Variants in ABHD3 observed in about 807,000 individuals in gnomAD.
ABHD3 encodes the protein phospholipase ABHD3.
ABHD3 carries 46 observed loss-of-function variants against 48.8 expected under a neutral mutation model. That is an observed-to-expected ratio of 0.94 (90% CI 0.74 to 1.20). ABHD3 has a LOEUF of 1.20. ABHD3 is among the 50% of genes most tolerant of loss of function. The pLI is 0.00. For synonymous variants in ABHD3, 192 were observed against 183.7 expected (o/e 1.04, Z -0.36); for missense variants, 490 against 497.8 (o/e 0.98, Z 0.15).
chr18:21,665,413 A>AT (rs1176057154), intron 4 of ABHD3, among the ~76,000 whole-genome samples: 1 of 151,286 alleles, frequency 6.6e-6, no homozygotes, highest in African/African-American at 2.4e-5. Flanking sequence ...CAAATTTTTT[A>AT]TTTTTTTGTA....
At chr18:21,687,174 T>C (rs2040146247) in intron 3 of ABHD3, among the ~76,000 whole-genome samples, 1 of 152,118 alleles carries the variant, frequency 6.6e-6, no homozygotes, top group Non-Finnish European at 1.5e-5. Context: ...CCTCCTGAAG[T>C]TCTGGGATTA....
chr18:21,676,123 A>ATT, intron 4 of ABHD3, among the ~76,000 whole-genome samples: 1 of 152,186 alleles, frequency 6.6e-6, no homozygotes, highest in Non-Finnish European at 1.5e-5. Context: ...TTGATGGGTT[A>ATT]AGGCTTCAAC....
intron 4 of ABHD3, among the ~76,000 whole-genome samples, chr18:21,681,433 C>T (rs2040002253): frequency 6.6e-6 from 1 of 152,058 alleles, no homozygotes; most frequent in Admixed American, 6.6e-5. Flanking sequence ...TTTTTGTTCT[C>T]TCGTCTTTAT....
chr18:21,703,978 G>C (rs767683290), intron 1 of ABHD3, among the ~76,000 whole-genome samples: 87 of 152,300 alleles, frequency 5.7e-4, no homozygotes, highest in South Asian at 2.1e-3. Flanking sequence ...TTTTAACTCC[G>C]CCTCCCGGGT....
chr18:21,688,839 G>GT (rs2040182643), intron 3 of ABHD3, among the ~76,000 whole-genome samples: 1 of 152,144 alleles, frequency 6.6e-6, no homozygotes, highest in Non-Finnish European at 1.5e-5. Flanking sequence ...AAGATATAAG[G>GT]TGAGTATGTA....
chr18:21,700,952 CAAAAA>C (rs34993965), intron 3 of ABHD3, among the ~76,000 whole-genome samples: 18 of 81,656 alleles, frequency 2.2e-4, no homozygotes, highest in African/African-American at 7.5e-4. Flanking sequence ...GATTTGGCCT[CAAAAA>C]AAAAAAAAAA....
At chr18:21,681,336 C>T (rs2040000955) in intron 4 of ABHD3, among the ~76,000 whole-genome samples, 1 of 152,158 alleles carries the variant, frequency 6.6e-6, no homozygotes, top group African/African-American at 2.4e-5. Flanking sequence ...CATCAGCCAG[C>T]CAAGCTAGAA....
Position 21,704,646 on chromosome 18 carries a change from T to TC in ABHD3, c.19dup (p.Asp7GlyfsTer57). 1 of 1,532,150 alleles carries TC rather than the reference T, an allele frequency of 6.5e-7. No individual in the cohort carries two copies. Among genetic ancestry groups the TC allele is most frequent in the South Asian group, 1.2e-5 (1 of 81,940 alleles). The allele number at this position is 1,532,150 out of a possible 1,614,324, so 94.9% of individuals were successfully genotyped here. Reference sequence around the variant, plus strand: ...GAGCTCCCGGGACAACATCCGCAGGTCCATGGCCAGGCGCTGCATGGCCCC... The same window carrying TC: ...GAGCTCCCGGGACAACATCCGCAGGTCCCATGGCCAGGCGCTGCATGGCCCC... On this transcript the variant is annotated frameshift_variant, in exon 1 of 9. Coordinates refer to ENST00000289119, the MANE Select transcript of ABHD3 (RefSeq NM_138340.5). LOFTEE classifies it high-confidence loss of function.
Position 21,651,612 on chromosome 18 carries a change from C to T in ABHD3, c.1209G>A (p.Glu403=), listed in dbSNP as rs2039223294. ...CATGTTAAGAGAGTTCATGTCCATG[C>T]TCAACCATGGCTTGCACAAATTGCT... ...VFKQFVQAMV[E]HGHELS Residue 403 remains glutamate, a synonymous_variant, in exon 9 of 9, where the codon GAG becomes GAA. Transcript: ENST00000289119. 2 of 1,614,116 alleles carry T rather than the reference C, an allele frequency of 1.2e-6. No individual in the cohort carries two copies. The highest frequency in any genetic ancestry group is 1.3e-5 in the African/African-American group (1 of 75,042).
In ABHD3 at chr18:21,651,538, T is replaced by G; in HGVS notation, c.*53A>C. The G allele has an allele frequency of 1.2e-6, 2 of 1,605,748 alleles. No individual in the cohort carries two copies. The highest frequency in any genetic ancestry group is 1.7e-6 in the Non-Finnish European group (2 of 1,174,538). ...AACAGTTAAAATTTGTGCACTAAGC[T>G]GAGCTGCCTTCACAATTGTGGTTCA... On this transcript the variant is annotated 3_prime_UTR_variant, in exon 9 of 9. Transcript: ENST00000289119.
chr18:21,666,338 T>C (rs1346484405), intron 4 of ABHD3, among the ~76,000 whole-genome samples: 1 of 152,088 alleles, frequency 6.6e-6, no homozygotes, highest in Admixed American at 6.5e-5. Flanking sequence ...GGACTACAGG[T>C]ACGTACCACC....
At position 21,651,659 on chromosome 18, in the gene ABHD3, T is replaced by C; in HGVS notation, c.1162A>G (p.Thr388Ala). The change falls in exon 9 of 9, where the codon ACT becomes GCT. Residue 388 changes from threonine (T) to alanine (A), a missense_variant. Physicochemically the swap from Thr to Ala is moderately conservative, Grantham distance 58. Coordinates refer to ENST00000289119, the MANE Select transcript of ABHD3 (RefSeq NM_138340.5). ...TGCTTGAAGACACGATCCATGTAAG[T>C]GGACTGTCTTGGCCAGATTCCCTCC... ...FLEGIWPRQS[T>A]YMDRVFKQFV... is the part of the protein sequence containing the mutation. 1 of 1,614,028 alleles carries C rather than the reference T, an allele frequency of 6.2e-7. No homozygotes were observed.
intron 8 of ABHD3, among the ~76,000 whole-genome samples, chr18:21,655,246 A>G (rs1327784505): frequency 1.3e-5 from 2 of 151,892 alleles, no homozygotes; most frequent in East Asian, 3.9e-4. Context: ...GTATTTGGGG[A>G]AAATGGTTTT....
At chr18:21,665,326 G>A (rs993196384) in intron 4 of ABHD3, among the ~76,000 whole-genome samples, 20 of 151,908 alleles carry the variant, frequency 1.3e-4, no homozygotes, top group Non-Finnish European at 2.5e-4. Flanking sequence ...CTGTAGCCTC[G>A]ACTTCCTTGT....
At chr18:21,652,280 C>T (rs2039240306) in intron 8 of ABHD3, among the ~76,000 whole-genome samples, 1 of 151,690 alleles carries the variant, frequency 6.6e-6, no homozygotes, top group Admixed American at 6.6e-5. Flanking sequence ...ATCACTTGAG[C>T]TCAGGAGTTC....
intron 4 of ABHD3, among the ~76,000 whole-genome samples, chr18:21,670,614 C>T (rs2039736001): frequency 1.3e-5 from 2 of 152,320 alleles, no homozygotes; most frequent in Middle Eastern, 3.4e-3. Flanking sequence ...CAATGGGATA[C>T]TGTTCTCTTG....
At chr18:21,660,938 C>T (rs926117668) in intron 5 of ABHD3, among the ~76,000 whole-genome samples, 8 of 151,792 alleles carry the variant, frequency 5.3e-5, no homozygotes, top group Non-Finnish European at 1.5e-5. Flanking sequence ...TGAAGGGAAA[C>T]TCAGGACTAG....
At chr18:21,675,797 A>T (rs531748759) in intron 4 of ABHD3, among the ~76,000 whole-genome samples, 2 of 152,344 alleles carry the variant, frequency 1.3e-5, no homozygotes, top group South Asian at 2.1e-4. Flanking sequence ...ATTTAAAAAA[A>T]AATAATTTAC....
Position 21,663,907 on chromosome 18 carries a change from A to G in ABHD3, c.668+211T>C, listed in dbSNP as rs535870834. Reference sequence around the variant, plus strand: ...AGGCTCACAAAATCCGCAGTCACAGAGACCCGTAGTTAAGAAAAATATTAA... The same window carrying G: ...AGGCTCACAAAATCCGCAGTCACAGGGACCCGTAGTTAAGAAAAATATTAA... On this transcript the variant is annotated intron_variant, in intron 5 of 8. Transcript: ENST00000289119. 6.3e-4 allele frequency: 904 copies of G among 1,436,780 alleles called. 1 individual carries two copies. The highest frequency in any genetic ancestry group is 1.1e-3 in the Middle Eastern group (5 of 4,420). 89.0% of individuals were successfully genotyped at this position (1,436,780 alleles called of 1,614,324 possible). A position where few individuals can be genotyped will look rare whatever the true frequency, so the allele number is the denominator to read the frequency against.
Sources: gnomAD v4.1 joint callset for allele counts (sites outside exome capture counted in the v4.1 genomes callset) on GRCh38, gnomAD v4.1.1 for gene constraint, MANE v1.5 for transcripts, NCBI Gene and HGNC (gene_info 2026-07-23, HGNC 2026-07-21) for gene names.